The following ABCA13 variants were observed in gnomAD, a reference collection of about 807,000 sequenced individuals.
The protein encoded by ABCA13 is ATP binding cassette subfamily A member 13.
In ABCA13, 476 loss-of-function variants were observed where a neutral mutation model predicts 478.7. That is an observed-to-expected ratio of 0.99 (90% CI 0.92 to 1.07). The LOEUF (loss-of-function observed/expected upper bound fraction) is 1.07. Ranked by LOEUF, ABCA13 falls within the 50% of genes least tolerant of loss-of-function variation. The pLI is 0.00. For missense variants in ABCA13, 6,060 were observed against 5,910.6 expected (o/e 1.03, Z -0.83); for synonymous variants, 2,252 against 2,158.9 (o/e 1.04, Z -1.20).
rs182831361 is a variant in ABCA13 at position 48,172,771 on chromosome 7, C to T, written c.69+1219C>T. ...CGAGATCGCGCCACTGCACTCCAGC[C>T]TGGGCGACAGAGCGAGACTCCGTCT... On this transcript the variant is annotated intron_variant, in intron 1 of 61. Transcript: ENST00000435803. Among the ~76,000 whole-genome samples, 472 of 130,986 alleles carry T rather than the reference C, an allele frequency of 3.6e-3. 3 individuals are homozygous for T. Among genetic ancestry groups the T allele is most frequent in the African/African-American group, 0.013 (447 of 33,456 alleles). The allele number at this position is 130,986 out of a possible 152,430, so 85.9% of individuals were successfully genotyped here.
chr7:48,515,206 AAC>A (rs1832015921), intron 51 of ABCA13, among the ~76,000 whole-genome samples: 1 of 152,224 alleles, frequency 6.6e-6, no homozygotes, highest in Admixed American at 6.5e-5. Context: ...ACCATAAGAA[AAC>A]AGTGATACAT....
intron 27 of ABCA13, among the ~76,000 whole-genome samples, chr7:48,319,110 G>A (rs908962130): frequency 1.3e-5 from 2 of 152,186 alleles, no homozygotes; most frequent in Non-Finnish European, 2.9e-5. Context: ...TTGGAAGGAT[G>A]GGTTTTCTAA....
intron 36 of ABCA13, 55 bp downstream of exon 36, chr7:48,388,014 A>AT (rs201346706): frequency 3.0e-4 from 467 of 1,544,452 alleles, no homozygotes; most frequent in South Asian, 7.3e-4. Flanking sequence ...ATCCATTTTG[A>AT]TTTTTTTTTG....
chr7:48,251,920 A>T (rs181898421), intron 15 of ABCA13, among the ~76,000 whole-genome samples: 1 of 152,188 alleles, frequency 6.6e-6, no homozygotes, highest in East Asian at 1.9e-4. Flanking sequence ...ATTGTATGTT[A>T]TGAGTCATTT....
At chr7:48,376,331 T>C in intron 34 of ABCA13, 110 bp from the exon 35 acceptor site, 1 of 1,347,980 alleles carries the variant, frequency 7.4e-7, no homozygotes, top group Non-Finnish European at 1.0e-6. Flanking sequence ...CTTTTTGTTT[T>C]AGTTCTGTTC....
intron 46 of ABCA13, among the ~76,000 whole-genome samples, chr7:48,481,675 T>A: frequency 1.1e-5 from 1 of 90,782 alleles, no homozygotes; most frequent in Non-Finnish European, 2.4e-5. Context: ...CTGGCTAATT[T>A]TTTTGTATTT....
intron 1 of ABCA13, among the ~76,000 whole-genome samples, chr7:48,180,057 C>T (rs530996241): frequency 8.3e-4 from 126 of 152,350 alleles, no homozygotes; most frequent in African/African-American, 2.9e-3. Flanking sequence ...TATGGCACTC[C>T]TGGACAGGTT....
chr7:48,326,896 G>A (rs527955906), intron 27 of ABCA13, among the ~76,000 whole-genome samples: 2 of 152,284 alleles, frequency 1.3e-5, no homozygotes. Context: ...GTTATGATGG[G>A]CAGAGATCAG....
intron 35 of ABCA13, among the ~76,000 whole-genome samples, chr7:48,383,503 AG>A (rs1814714077): frequency 6.6e-6 from 1 of 152,216 alleles, no homozygotes; most frequent in South Asian, 2.1e-4. Context: ...GGCTTGCTTC[AG>A]GATTTCCTTG....
intron 3 of ABCA13, among the ~76,000 whole-genome samples, chr7:48,205,824 CTA>C (rs1270508168): frequency 5.9e-5 from 9 of 152,108 alleles, no homozygotes; most frequent in African/African-American, 1.9e-4. Context: ...AAAAGTTACA[CTA>C]TGTTACTTAT....
At chr7:48,636,543 G>A (rs1293493569) in intron 59 of ABCA13, among the ~76,000 whole-genome samples, 1 of 152,204 alleles carries the variant, frequency 6.6e-6, no homozygotes, top group Non-Finnish European at 1.5e-5. Flanking sequence ...GTGAGTCAGA[G>A]GCCTGTGTGC....
chr7:48,495,828 G>A (rs1449343251), intron 48 of ABCA13, among the ~76,000 whole-genome samples: 4 of 152,092 alleles, frequency 2.6e-5, no homozygotes, highest in African/African-American at 4.8e-5. Context: ...TTTCCTGGTA[G>A]ATTAATCCTT....
At chr7:48,186,376 GGGTTCTT>G (rs1796352725) in intron 1 of ABCA13, among the ~76,000 whole-genome samples, 4 of 151,980 alleles carry the variant, frequency 2.6e-5, no homozygotes, top group Non-Finnish European at 5.9e-5. Context: ...AACTATCTCT[GGGTTCTT>G]ATTTTTGATG....
Position 48,389,185 on chromosome 7 carries a change from G to A in ABCA13, c.11619G>A (p.Leu3873=), listed in dbSNP as rs370720475. 9 of 1,613,808 alleles carry A rather than the reference G, an allele frequency of 5.6e-6. No individual in the cohort carries two copies. In the African/African-American group the frequency reaches 1.1e-4, roughly 19 times the overall value. Residue 3873 remains leucine, a synonymous_variant, in exon 37 of 62, where the codon CTG becomes CTA. Transcript: ENST00000435803. ...TCTACAGAGACCAAATCACCGCCCT[G>A]CTGGGGACAAACGGTGCCGGGAAAA... ...LTFYRDQITA[L]LGTNGAGKTT... is the part of the protein sequence containing the mutation.
chr7:48,273,573 G>T lies in ABCA13; in HGVS notation c.3907G>T (p.Asp1303Tyr). Residue 1303 changes from aspartate (D) to tyrosine (Y), a missense_variant, in exon 17 of 62, where the codon GAT becomes TAT. Transcript: ENST00000435803. The part of the protein sequence containing the change: ...STSEYIVRNL[D>Y]SINDFLSNNL... ...CTCAGAATATATAGTCAGAAATCTAGATTCAATAAATGACTTTCTTTCAAA... is the reference window on the plus strand; with the variant it reads ...CTCAGAATATATAGTCAGAAATCTATATTCAATAAATGACTTTCTTTCAAA... 1.3e-6 allele frequency: 2 copies of T among 1,584,030 alleles called. No individual in the cohort carries two copies. The highest frequency in any genetic ancestry group is 1.7e-6 in the Non-Finnish European group (2 of 1,163,168).
chr7:48,474,956 C>G lies in ABCA13; in HGVS notation c.12975+3357C>G, dbSNP rs150534104. 2.2e-3 allele frequency among the ~76,000 whole-genome samples: 333 copies of G among 152,288 alleles called. 2 individuals carry two copies. The highest frequency in any genetic ancestry group is 7.6e-3 in the African/African-American group (315 of 41,556). On this transcript the variant is annotated intron_variant, in intron 45 of 61. Coordinates refer to ENST00000435803, the MANE Select transcript of ABCA13 (RefSeq NM_152701.5). ...TAATATGTAAGAAAAAAGGTTTTAT[C>G]TGAAAAAGTTCCATAGTCAAATACG...
At chr7:48,611,912 A>T (rs1482482172) in intron 58 of ABCA13, 1 of 152,252 alleles carries the variant, frequency 6.6e-6, no homozygotes, top group Non-Finnish European at 1.5e-5. Flanking sequence ...TTAAAGAAAT[A>T]TGTGTTTGTA....
chr7:48,279,199 GA>G lies in ABCA13; in HGVS notation c.8006del (p.Asp2669ValfsTer13), dbSNP rs774519786. On this transcript the variant is annotated frameshift_variant, in exon 18 of 62. Transcript: ENST00000435803. LOFTEE classifies it high-confidence loss of function. ...CAATGAGACTCAAACATTTTCTATG[GA>G]TTCTGTCAACTTACGGGAAGAAATT... ...FNNETQTFSMDSVNLREEILG... is the reference protein window; with the variant it reads ...FNNETQTFSMXSVNLREEILG... The G allele has an allele frequency of 6.9e-6, 11 of 1,596,288 alleles. No individual in the cohort carries two copies. The East Asian group carries it at 2.5e-4, about 36-fold the overall frequency.
intron 51 of ABCA13, 148 bp from the exon 52 acceptor site, chr7:48,516,577 T>C (rs1454520808): frequency 6.8e-6 from 5 of 736,036 alleles, no homozygotes; most frequent in South Asian, 3.7e-5. Context: ...ATAGGTTGTA[T>C]GTATGGGGAA....
Sources: allele counts gnomAD v4.1 joint callset (sites outside exome capture counted in the v4.1 genomes callset), GRCh38; gene constraint gnomAD v4.1.1; transcripts MANE v1.5; gene names NCBI Gene and HGNC (gene_info 2026-07-23, HGNC 2026-07-21).